Variants in MAP3K5 observed in about 807,000 individuals in gnomAD.
MAP3K5 encodes the protein ASK-1.
In MAP3K5, 56 loss-of-function variants were observed where a neutral mutation model predicts 158.7. The ratio of observed to expected loss-of-function variants is 0.35; its 90% CI spans 0.28 to 0.44. The LOEUF (loss-of-function observed/expected upper bound fraction) is 0.44, where lower values mean the gene tolerates loss of function less well. Ranked by LOEUF, MAP3K5 falls within the 20% of genes least tolerant of loss-of-function variation. The pLI, the probability that MAP3K5 is intolerant of heterozygous loss-of-function variation, is 1.00. For missense variants in MAP3K5, 1,294 were observed against 1,674.8 expected, an observed-to-expected ratio of 0.77 and a Z score of 3.97; for synonymous variants, 579 against 601.7, an observed-to-expected ratio of 0.96 and a Z score of 0.55.
chr6:136,788,641 A>G (rs934512586), intron 1 of MAP3K5, among the ~76,000 whole-genome samples: 6 of 152,250 alleles, frequency 3.9e-5, no homozygotes, highest in African/African-American at 1.4e-4. Context: ...CAACAAACTT[A>G]TGAAAAAATG....
rs890852870 is a variant in MAP3K5 at position 136,740,615 on chromosome 6, T to TA, written c.449-20027dup. On this transcript the variant is annotated intron_variant, in intron 1 of 29. Transcript: ENST00000359015. ...TTATTTAAGAGCAAGACTGAGACAA[T>TA]AAAAAAAAAGAAAGATTTAAAAAAA... Among the ~76,000 whole-genome samples the TA allele has an allele frequency of 7.3e-5, 11 of 150,848 alleles. No homozygotes were observed. The East Asian group carries it at 7.8e-4, about 11-fold the overall frequency.
Position 136,613,907 on chromosome 6 carries a change from C to CT in MAP3K5, c.2278+251dup, listed in dbSNP as rs1424638507. ...CCTCACTTTGGAACACTGGCCCATT[C>CT]TTTTGGAGTCTGTGTTTCCTGGGTG... On this transcript the variant is annotated intron_variant, in intron 16 of 29. Coordinates refer to ENST00000359015, the MANE Select transcript of MAP3K5 (RefSeq NM_005923.4). This position sits in a 1 kb window ranked among gnomAD's most constrained non-coding sequence, Gnocchi z 4.0. 1.3e-5 allele frequency among the ~76,000 whole-genome samples: 2 copies of CT among 152,294 alleles called. No individual in the cohort carries two copies. Among genetic ancestry groups the CT allele is most frequent in the East Asian group, 3.9e-4 (2 of 5,194 alleles).
chr6:136,589,322 G>A (rs1775280545), intron 23 of MAP3K5, among the ~76,000 whole-genome samples: 1 of 152,174 alleles, frequency 6.6e-6, no homozygotes, highest in Admixed American at 6.5e-5. Flanking sequence ...GACAGGTAGA[G>A]GCCACGGCAA....
Position 136,639,699 on chromosome 6 carries a change from G to T in MAP3K5, c.1839-61C>A, listed in dbSNP as rs2114283705. On this transcript the variant is annotated intron_variant, in intron 12 of 29. Transcript: ENST00000359015. The stretch of plus-strand genomic sequence containing the variant: ...ACTATCAATTCTTCTACAGTCCTAT[G>T]ATGAAAAAGAAATGTTTTAAATTCA... The T allele has an allele frequency of 3.9e-6, 3 of 769,308 alleles. No individual in the cohort carries two copies. The East Asian group carries it at 8.2e-5, about 21-fold the overall frequency. The allele number at this position is 769,308 out of a possible 1,614,324, so 47.7% of individuals were successfully genotyped here. A position where few individuals can be genotyped will look rare whatever the true frequency, so the allele number is the denominator to read the frequency against.
chr6:136,569,011 G>C (rs984419802), intron 25 of MAP3K5, among the ~76,000 whole-genome samples: 15 of 151,828 alleles, frequency 9.9e-5, no homozygotes, highest in African/African-American at 3.4e-4. Flanking sequence ...TGGGAAGAAA[G>C]GTCAGATATT....
At chr6:136,783,304 A>G (rs1327670827) in intron 1 of MAP3K5, among the ~76,000 whole-genome samples, 6 of 147,978 alleles carry the variant, frequency 4.1e-5, no homozygotes, top group Non-Finnish European at 9.0e-5. Context: ...ACAACTACAC[A>G]AACCAATATA....
At chr6:136,636,458 C>T (rs941769979) in intron 14 of MAP3K5, among the ~76,000 whole-genome samples, 3 of 152,206 alleles carry the variant, frequency 2.0e-5, no homozygotes, top group Admixed American at 6.5e-5. Context: ...AGAGTTCTCT[C>T]CCAAGTCAAA....
At chr6:136,711,935 C>A (rs1263505664) in intron 2 of MAP3K5, among the ~76,000 whole-genome samples, 1 of 152,128 alleles carries the variant, frequency 6.6e-6, no homozygotes, top group Non-Finnish European at 1.5e-5. Flanking sequence ...AAGAACACAT[C>A]CTTCTCTTGC....
chr6:136,668,475 A>C (rs1779324386), intron 8 of MAP3K5, among the ~76,000 whole-genome samples: 1 of 152,314 alleles, frequency 6.6e-6, no homozygotes, highest in African/African-American at 2.4e-5. Context: ...CCTATGAAAA[A>C]CAAGGCTGAA....
At chr6:136,686,076 G>C (rs543589459) in intron 7 of MAP3K5, among the ~76,000 whole-genome samples, 15 of 152,268 alleles carry the variant, frequency 9.9e-5, no homozygotes, top group African/African-American at 3.4e-4. Context: ...TGGGGAGTGG[G>C]GGCTCCCTTT....
intron 7 of MAP3K5, among the ~76,000 whole-genome samples, chr6:136,691,528 T>A (rs1288499294): frequency 4.0e-5 from 6 of 151,860 alleles, no homozygotes; most frequent in African/African-American, 9.7e-5. Flanking sequence ...CGAGAATCGC[T>A]TGAACCCCGG....
At chr6:136,735,991 T>C (rs1031409011) in intron 1 of MAP3K5, among the ~76,000 whole-genome samples, 7 of 152,226 alleles carry the variant, frequency 4.6e-5, no homozygotes, top group Non-Finnish European at 1.5e-5. Context: ...CCATTATTGC[T>C]GTAGAAAGAA....
intron 2 of MAP3K5, among the ~76,000 whole-genome samples, chr6:136,716,364 G>A (rs900584792): frequency 1.3e-5 from 2 of 152,058 alleles, no homozygotes; most frequent in Non-Finnish European, 2.9e-5. Flanking sequence ...TATCTGGCAC[G>A]TGCAGTCATG....
chr6:136,646,832 G>C (rs1210191292), intron 11 of MAP3K5, among the ~76,000 whole-genome samples: 1 of 152,104 alleles, frequency 6.6e-6, no homozygotes, highest in Non-Finnish European at 1.5e-5. Context: ...CATGTATATA[G>C]ACAGTTATAT....
intron 1 of MAP3K5, among the ~76,000 whole-genome samples, chr6:136,730,588 G>A (rs995954544): frequency 1.2e-4 from 18 of 151,896 alleles, no homozygotes; most frequent in Non-Finnish European, 2.5e-4. Flanking sequence ...CAGGCGTGGT[G>A]GCAGATGCCT....
chr6:136,591,046 T>G (rs1407067968), intron 23 of MAP3K5, among the ~76,000 whole-genome samples: 1 of 152,104 alleles, frequency 6.6e-6, no homozygotes, highest in African/African-American at 2.4e-5. Context: ...TCTCATGAGA[T>G]CTGATGGTTT....
At chr6:136,768,707 G>T (rs896923688) in intron 1 of MAP3K5, among the ~76,000 whole-genome samples, 3 of 151,322 alleles carry the variant, frequency 2.0e-5, no homozygotes, top group Non-Finnish European at 2.9e-5. Context: ...TGAGGTCAGG[G>T]GTTCGAGACC....
At chr6:136,666,745 AAGTT>A (rs1244535408) in intron 8 of MAP3K5, among the ~76,000 whole-genome samples, 3 of 152,326 alleles carry the variant, frequency 2.0e-5, no homozygotes, top group Non-Finnish European at 2.9e-5. Flanking sequence ...AATAGAATCT[AAGTT>A]AGTGAGTTTT....
chr6:136,612,106 C>T (rs1484645738), intron 17 of MAP3K5, among the ~76,000 whole-genome samples: 1 of 152,162 alleles, frequency 6.6e-6, no homozygotes, highest in African/African-American at 2.4e-5. Flanking sequence ...TCCCCAACCA[C>T]CCAGACCCTA....
Sources: gnomAD v4.1 joint callset for allele counts (sites outside exome capture counted in the v4.1 genomes callset) on GRCh38, gnomAD v4.1.1 for gene constraint, Gnocchi (gnomAD v3.1) non-coding constraint, MANE v1.5 for transcripts, NCBI Gene and HGNC (gene_info 2026-07-23, HGNC 2026-07-21) for gene names.